Variants in IGF1R observed in about 807,000 individuals in gnomAD.
IGF1R encodes the protein insulin like growth factor 1 receptor.
In IGF1R, 44 loss-of-function variants were observed where a neutral mutation model predicts 144.6. That is an observed-to-expected ratio of 0.30 (90% confidence interval 0.24 to 0.39). The LOEUF (loss-of-function observed/expected upper bound fraction) is 0.39, where lower values mean the gene tolerates loss of function less well. Among genes scored for constraint, IGF1R ranks in the 10% least tolerant of loss-of-function variants. The probability of loss-of-function intolerance (pLI) is 1.00; values close to 1 mark genes in which losing one functional copy is unlikely to be tolerated. For synonymous variants in IGF1R, 795 were observed against 722.8 expected (o/e 1.10, Z -1.60); for missense variants, 1,355 against 1,833.7 (o/e 0.74, Z 4.77).
intron 20 of IGF1R, chr15:98,953,052 C>T (rs770387996): frequency 6.6e-6 from 1 of 152,236 alleles, no homozygotes; most frequent in Middle Eastern, 3.4e-3. Flanking sequence ...TCCGTTTATC[C>T]CGGAGAGGAG....
chr15:98,941,010 CCT>C (rs2151716386), intron 18 of IGF1R, among the ~76,000 whole-genome samples: 1 of 152,368 alleles, frequency 6.6e-6, no homozygotes, highest in South Asian at 2.1e-4. Context: ...TTTCTCCTTC[CCT>C]CTCTGTAGAA....
chr15:98,793,662 C>T (rs932705085), intron 2 of IGF1R, among the ~76,000 whole-genome samples: 4 of 152,176 alleles, frequency 2.6e-5, no homozygotes, highest in Non-Finnish European at 5.9e-5. Context: ...ATATTTATAG[C>T]ATAGAACGTA....
chr15:98,727,210 T>C (rs2054382675), intron 2 of IGF1R, among the ~76,000 whole-genome samples: 1 of 152,200 alleles, frequency 6.6e-6, no homozygotes, highest in African/African-American at 2.4e-5. Flanking sequence ...GGAAGAAAGG[T>C]ATGTGGTTTC....
Position 98,963,079 on chromosome 15 carries a change from GAACT to G in IGF1R, c.*5640_*5643del, listed in dbSNP as rs1157613231. ...CAGTTGACGAAGATCTGGTTTACAAGAACTAATTAAATGTTTCATTGCATTTTTG... is the reference window on the plus strand; with the variant it reads ...CAGTTGACGAAGATCTGGTTTACAAGAATTAAATGTTTCATTGCATTTTTG... On this transcript the variant is annotated 3_prime_UTR_variant, in exon 21 of 21. Coordinates refer to ENST00000650285, the MANE Select transcript of IGF1R (RefSeq NM_000875.5). The G allele has an allele frequency of 3.9e-5, 9 of 233,398 alleles. No homozygotes were observed. Among genetic ancestry groups the G allele is most frequent in the East Asian group, 6.0e-5 (1 of 16,582 alleles). 14.5% of individuals were successfully genotyped at this position (233,398 alleles called of 1,614,324 possible). A position where few individuals can be genotyped will look rare whatever the true frequency, so the allele number is the denominator to read the frequency against.
chr15:98,793,808 A>T (rs2056179557), intron 2 of IGF1R, among the ~76,000 whole-genome samples: 2 of 152,222 alleles, frequency 1.3e-5, no homozygotes, highest in Admixed American at 1.3e-4. Flanking sequence ...ATTTCAGCCA[A>T]GATAAAACTC....
chr15:98,920,092 T>G (rs1467855626), intron 10 of IGF1R, among the ~76,000 whole-genome samples: 2 of 152,242 alleles, frequency 1.3e-5, no homozygotes, highest in Non-Finnish European at 2.9e-5. Context: ...TAGTTTGGTT[T>G]AACTAGCTAA....
rs1174572053 is a variant in IGF1R, at chr15:98,807,291, T to G, written c.641-84034T>G. On this transcript the variant is annotated intron_variant, in intron 2 of 20. Transcript: ENST00000650285. ...ACAGGCTGCATCCTGGATATATGAA[T>G]AGATGAACCAGATCGTGTACATGTG... 1.2e-3 allele frequency among the ~76,000 whole-genome samples: 180 copies of G among 152,356 alleles called. 3 individuals carry two copies. Among genetic ancestry groups the G allele is most frequent in the Non-Finnish European group, 7.3e-5 (5 of 68,034 alleles).
chr15:98,715,764 G>A (rs1479609010), intron 2 of IGF1R, among the ~76,000 whole-genome samples: 2 of 152,112 alleles, frequency 1.3e-5, no homozygotes. Context: ...GCTATAAAAG[G>A]TGGGGTCTCT....
intron 3 of IGF1R, among the ~76,000 whole-genome samples, chr15:98,895,222 C>CCA (rs10704966): frequency 0.027 from 3,866 of 143,260 alleles, 50 homozygotes; most frequent in African/African-American, 0.038. Flanking sequence ...TGACACAGCA[C>CCA]CACACACACA....
chr15:98,703,416 C>T (rs1432968485), intron 1 of IGF1R, among the ~76,000 whole-genome samples: 2 of 152,076 alleles, frequency 1.3e-5, no homozygotes, highest in Non-Finnish European at 2.9e-5. Context: ...GCCTCCTGAA[C>T]GCTGCTATCA....
At chr15:98,928,631 C>T (rs2015818520) in intron 13 of IGF1R, among the ~76,000 whole-genome samples, 1 of 152,186 alleles carries the variant, frequency 6.6e-6, no homozygotes, top group Non-Finnish European at 1.5e-5. Flanking sequence ...ACAAGTTTTC[C>T]CTTGGGGAGG....
chr15:98,887,189 G>T (rs901423225), intron 2 of IGF1R, among the ~76,000 whole-genome samples: 2 of 152,120 alleles, frequency 1.3e-5, no homozygotes, highest in Non-Finnish European at 2.9e-5. Flanking sequence ...GACTTCCCCA[G>T]CCTGTGTATC....
At position 98,929,626 on chromosome 15, in the gene IGF1R, T is replaced by G. The variant is rs758068127; in HGVS notation, c.2851T>G (p.Leu951Val). The G allele has an allele frequency of 6.2e-7, 1 of 1,613,952 alleles. No homozygotes were observed. The highest frequency in any genetic ancestry group is 8.5e-7 in the Non-Finnish European group (1 of 1,179,912). ...PVAVLLIVGG[L>V]VIMLYVFHRK... Reference sequence around the variant, plus strand: ...CGCTGTCCTGTTGATCGTGGGAGGGTTGGTGATTATGCTGTACGTCTTCCA... The same window carrying G: ...CGCTGTCCTGTTGATCGTGGGAGGGGTGGTGATTATGCTGTACGTCTTCCA... The change falls in exon 14 of 21, where the codon TTG (leucine) becomes GTG (valine). Residue 951 changes from leucine to valine, a missense_variant. Around this residue, in one of 7 missense-constraint regions of IGF1R, gnomAD observed 880 missense variants for 1,202.7 expected, o/e 0.73. Coordinates refer to ENST00000650285, the MANE Select transcript of IGF1R (RefSeq NM_000875.5).
intron 2 of IGF1R, among the ~76,000 whole-genome samples, chr15:98,759,520 GTAT>G (rs2055241371): frequency 6.6e-6 from 1 of 152,358 alleles, no homozygotes; most frequent in East Asian, 1.9e-4. Context: ...ATGAACACAT[GTAT>G]TATTGCAGTG....
intron 1 of IGF1R, among the ~76,000 whole-genome samples, chr15:98,706,589 T>TA (rs35701132): frequency 0.28 from 40,805 of 147,482 alleles, 6,100 homozygotes; most frequent in South Asian, 0.35. Context: ...AGGGATTGGT[T>TA]AAAAAAAAAA....
At chr15:98,914,645 G>A (rs2015164272) in intron 8 of IGF1R, among the ~76,000 whole-genome samples, 2 of 152,088 alleles carry the variant, frequency 1.3e-5, no homozygotes, top group African/African-American at 4.8e-5. Flanking sequence ...ATTCACTGTA[G>A]TGTTTGGGAA....
At chr15:98,887,264 G>A (rs1309765826) in intron 2 of IGF1R, among the ~76,000 whole-genome samples, 1 of 151,950 alleles carries the variant, frequency 6.6e-6, no homozygotes, top group African/African-American at 2.4e-5. Flanking sequence ...AAGTTTCGGG[G>A]GACTACTGCT....
chr15:98,737,875 C>T (rs1167109229), intron 2 of IGF1R, among the ~76,000 whole-genome samples: 3 of 152,066 alleles, frequency 2.0e-5, no homozygotes, highest in African/African-American at 7.2e-5. Context: ...GGGTTTGTGC[C>T]CTTCGTGCTG....
chr15:98,694,206 CAG>C (rs1401343312), intron 1 of IGF1R, among the ~76,000 whole-genome samples: 2 of 152,078 alleles, frequency 1.3e-5, no homozygotes, highest in Non-Finnish European at 2.9e-5. Flanking sequence ...AGCAAATTAA[CAG>C]AGTTCGTGCT....
Sources: allele counts gnomAD v4.1 joint callset (sites outside exome capture counted in the v4.1 genomes callset), GRCh38; gene constraint gnomAD v4.1.1; regional missense constraint gnomAD v4.1.1; transcripts MANE v1.5; gene names NCBI Gene and HGNC (gene_info 2026-07-23, HGNC 2026-07-21).